Variants in CASD1 observed in about 807,000 individuals in gnomAD.
CASD1 encodes CAS1 domain sialic acid O acetyltransferase 1.
A neutral mutation model predicts 100.0 loss-of-function variants in CASD1; 41 were observed. The observed-to-expected ratio is 0.41, with a 90% CI of 0.32 to 0.53. The LOEUF is 0.53. CASD1 is among the 20% of genes least tolerant of loss of function. The pLI is 0.25. For synonymous variants in CASD1, 321 were observed against 315.6 expected, an observed-to-expected ratio of 1.02 and a Z score of -0.18; for missense variants, 774 against 948.7, an observed-to-expected ratio of 0.82 and a Z score of 2.42.
At chr7:94,511,310 T>C (rs1013834466) in intron 1 of CASD1, among the ~76,000 whole-genome samples, 15 of 152,184 alleles carry the variant, frequency 9.9e-5, no homozygotes, top group Admixed American at 7.2e-4. Flanking sequence ...TTTGGCAAAA[T>C]ATCCATAAAC....
intron 10 of CASD1, among the ~76,000 whole-genome samples, chr7:94,542,747 G>T (rs1200055637): frequency 6.6e-6 from 1 of 152,116 alleles, no homozygotes; most frequent in East Asian, 1.9e-4. Flanking sequence ...ATCCACGAAG[G>T]GGATATTTTA....
At chr7:94,568,580 A>C in the CASD1 span, among the ~76,000 whole-genome samples, 11 of 152,210 alleles carry the variant, frequency 7.2e-5, no homozygotes, top group Admixed American at 2.6e-4. Flanking sequence ...AATCTCCCCA[A>C]AATGTAAAGA....
the CASD1 span, among the ~76,000 whole-genome samples, chr7:94,605,924 G>T: frequency 6.6e-6 from 1 of 152,078 alleles, no homozygotes; most frequent in Non-Finnish European, 1.5e-5. Context: ...TGCCTCCTGG[G>T]TTCAAGCAAT....
chr7:94,612,482 C>T, the CASD1 span, among the ~76,000 whole-genome samples: 1 of 152,084 alleles, frequency 6.6e-6, no homozygotes, highest in South Asian at 2.1e-4. Flanking sequence ...ACATTGTAAT[C>T]TTTGTAATTA....
At chr7:94,629,551 GTAAT>G in the CASD1 span, 1 of 653,110 alleles carries the variant, frequency 1.5e-6, no homozygotes, top group African/African-American at 1.9e-5. Context: ...ATTTTTGTCT[GTAAT>G]TAAATTTCTA....
intron 9 of CASD1, 71 bp from the exon 10 acceptor site, chr7:94,538,896 A>G: frequency 1.4e-6 from 1 of 735,784 alleles, no homozygotes; most frequent in Admixed American, 2.8e-5. Flanking sequence ...AACTTTTAAC[A>G]TACTTATTAT....
At chr7:94,587,537 ATT>A in the CASD1 span, 1 of 1,298,496 alleles carries the variant, frequency 7.7e-7, no homozygotes, top group South Asian at 2.7e-5. Context: ...TAGCTGTGAA[ATT>A]AGTGGTAGTA....
the CASD1 span, among the ~76,000 whole-genome samples, chr7:94,609,518 T>A: frequency 6.6e-6 from 1 of 152,114 alleles, no homozygotes; most frequent in African/African-American, 2.4e-5. Flanking sequence ...GGTGACACAG[T>A]AAGACTCTGT....
chr7:94,597,850 T>C, the CASD1 span: 1 of 151,830 alleles, frequency 6.6e-6, no homozygotes, highest in Non-Finnish European at 1.5e-5. Flanking sequence ...CTACTAAAAA[T>C]ACAAAAATTA....
chr7:94,572,871 A>G, the CASD1 span, among the ~76,000 whole-genome samples: 1 of 152,084 alleles, frequency 6.6e-6, no homozygotes, highest in Admixed American at 6.6e-5. Context: ...GGGGTTTTAT[A>G]TTTAAGCCTT....
the CASD1 span, among the ~76,000 whole-genome samples, chr7:94,612,985 TAGTCA>T: frequency 6.6e-6 from 1 of 152,256 alleles, no homozygotes; most frequent in African/African-American, 2.4e-5. Flanking sequence ...ACTGTAGTTC[TAGTCA>T]CCATCACCTT....
the CASD1 span, among the ~76,000 whole-genome samples, chr7:94,562,484 A>G: frequency 3.3e-5 from 5 of 152,122 alleles, no homozygotes; most frequent in East Asian, 3.9e-4. Flanking sequence ...CAAGTCATTT[A>G]TCTCCTCATT....
intron 14 of CASD1, 90 bp downstream of exon 14, chr7:94,549,724 G>T: frequency 1.1e-6 from 1 of 926,110 alleles, no homozygotes; most frequent in South Asian, 1.8e-5. Flanking sequence ...CTTAGTTTCA[G>T]AATAAATAAA....
intron 8 of CASD1, among the ~76,000 whole-genome samples, chr7:94,536,805 C>G (rs987982684): frequency 6.6e-6 from 1 of 152,312 alleles, no homozygotes; most frequent in African/African-American, 2.4e-5. Context: ...TAGACAGACT[C>G]AACTTTCCCA....
chr7:94,605,492 T>C, the CASD1 span, among the ~76,000 whole-genome samples: 1 of 151,142 alleles, frequency 6.6e-6, no homozygotes, highest in Non-Finnish European at 1.5e-5. Flanking sequence ...TATACACTTA[T>C]AGATAAGCAA....
chr7:94,588,632 A>G, the CASD1 span: 17 of 1,556,868 alleles, frequency 1.1e-5, no homozygotes, highest in Non-Finnish European at 1.5e-5. Flanking sequence ...TGCCATAATT[A>G]TCTTTTAATC....
In CASD1 at chr7:94,537,457, T is replaced by G. The variant is rs530168987; in HGVS notation, c.844-15T>G. The stretch of plus-strand genomic sequence containing the variant: ...ACTGACAAGATAATAACCAAATAAC[T>G]TGATTTGTTCACAGACTGCAATGAT... On this transcript the variant is annotated splice_polypyrimidine_tract_variant and intron_variant, in intron 8 of 17. Transcript: ENST00000297273. The G allele has an allele frequency of 4.2e-5, 66 of 1,580,896 alleles. 1 individual carries two copies. The South Asian group carries it at 7.5e-4, about 18-fold the overall frequency.
the CASD1 span, chr7:94,627,444 G>A: frequency 6.6e-6 from 1 of 152,036 alleles, no homozygotes; most frequent in African/African-American, 2.4e-5. Context: ...AAACGTACCA[G>A]GATGGCTTAC....
the CASD1 span, among the ~76,000 whole-genome samples, chr7:94,630,898 C>A: frequency 6.6e-6 from 1 of 151,954 alleles, no homozygotes; most frequent in African/African-American, 2.4e-5. Flanking sequence ...GATCACTGAA[C>A]TACATTTTTC....
Sources: gnomAD v4.1 joint callset for allele counts (sites outside exome capture counted in the v4.1 genomes callset) on GRCh38, gnomAD v4.1.1 for gene constraint, MANE v1.5 for transcripts, NCBI Gene and HGNC (gene_info 2026-07-23, HGNC 2026-07-21) for gene names.